PCDHA5: variants seen among roughly 807,000 people sequenced by gnomAD.
PCDHA5 encodes the protein protocadherin alpha-5.
PCDHA5 carries 43 observed loss-of-function variants against 61.6 expected under a neutral mutation model. The ratio of observed to expected loss-of-function variants is 0.70; its 90% CI spans 0.55 to 0.90. The LOEUF is 0.90. Among genes scored for constraint, PCDHA5 ranks in the 40% least tolerant of loss-of-function variants. The probability of loss-of-function intolerance (pLI) is 0.00; values close to 1 mark genes in which losing one functional copy is unlikely to be tolerated. For missense variants in PCDHA5, 1,298 were observed against 1,222.7 expected (o/e 1.06, Z -0.92); for synonymous variants, 627 against 543.9 (o/e 1.15, Z -2.13).
chr5:140,998,042 C>T (rs187874119), intron 3 of PCDHA5, among the ~76,000 whole-genome samples: 21 of 152,284 alleles, frequency 1.4e-4, no homozygotes, highest in Non-Finnish European at 2.2e-4. Flanking sequence ...TGTCACTTAA[C>T]TCAGTGACAT....
At chr5:140,942,543 G>C (rs1272048967) in intron 1 of PCDHA5, among the ~76,000 whole-genome samples, 1 of 152,056 alleles carries the variant, frequency 6.6e-6, no homozygotes, top group Non-Finnish European at 1.5e-5. Flanking sequence ...GTATGGTGGG[G>C]GGTAGGGGGT....
chr5:140,822,880 G>A lies in PCDHA5; in HGVS notation c.1105G>A (p.Ala369Thr), dbSNP rs1405488248. The change falls in exon 1 of 4, where the codon GCT becomes ACT. Residue 369 changes from alanine (A) to threonine (T), a missense_variant. Transcript: ENST00000529859. Reference sequence around the variant, plus strand: ...GGACGCTCCACTCAGCACGGTCATTGCTCTGATCAGCGTGTCTGACCGTGA... The same window carrying A: ...GGACGCTCCACTCAGCACGGTCATTACTCTGATCAGCGTGTCTGACCGTGA... ...KEDAPLSTVI[A>T]LISVSDRDSG... 6 of 1,614,120 alleles carry A rather than the reference G, an allele frequency of 3.7e-6. No homozygotes were observed. Among genetic ancestry groups the A allele is most frequent in the Non-Finnish European group, 5.1e-6 (6 of 1,180,054 alleles).
chr5:140,865,572 A>T (rs2048923193), intron 1 of PCDHA5: 1 of 152,224 alleles, frequency 6.6e-6, no homozygotes, highest in African/African-American at 2.4e-5. Context: ...TCAGTAACTC[A>T]TGATAATAAA....
intron 1 of PCDHA5, chr5:140,968,040 G>A: frequency 1.2e-6 from 2 of 1,614,162 alleles, no homozygotes; most frequent in African/African-American, 1.3e-5. Context: ...GTGGTGAGCG[G>A]CCCACTGGAC....
At position 141,001,667 on chromosome 5, in the gene PCDHA5, A is replaced by G. The variant is rs949508860; in HGVS notation, c.2501-7960A>G. ...GTGTGGGAGAAGGCGGAGCTTGTCC[A>G]GTCGGTCCAACAAACCCCACAGATG... is the stretch of plus-strand genomic sequence containing the variant. On this transcript the variant is annotated intron_variant, in intron 3 of 3. Coordinates refer to ENST00000529859, the MANE Select transcript of PCDHA5 (RefSeq NM_018908.3). Among the ~76,000 whole-genome samples, 9 of 152,268 alleles carry G rather than the reference A, an allele frequency of 5.9e-5. 1 individual carries two copies. In the East Asian group the frequency reaches 1.7e-3, roughly 29 times the overall value.
chr5:140,869,484 C>A, intron 1 of PCDHA5: 2 of 1,613,948 alleles, frequency 1.2e-6, no homozygotes, highest in Non-Finnish European at 1.7e-6. Flanking sequence ...AGGACATTAA[C>A]GACAACCCGC....
chr5:140,827,933 T>C, intron 1 of PCDHA5: 2 of 1,081,166 alleles, frequency 1.8e-6, no homozygotes, highest in Non-Finnish European at 2.7e-6. Flanking sequence ...CATGAAGTTA[T>C]AGCTAGCCAA....
At chr5:140,959,038 A>G (rs1389837259) in intron 1 of PCDHA5, among the ~76,000 whole-genome samples, 2 of 151,994 alleles carry the variant, frequency 1.3e-5, no homozygotes, top group African/African-American at 4.8e-5. Flanking sequence ...ATGGGTATGT[A>G]TGTATAGGAA....
At chr5:140,877,992 A>G (rs572306139) in intron 1 of PCDHA5, 7 of 1,096,526 alleles carry the variant, frequency 6.4e-6, no homozygotes, top group Non-Finnish European at 8.6e-6. Flanking sequence ...TTGAACTTTT[A>G]TGTATTTGTC....
intron 1 of PCDHA5, among the ~76,000 whole-genome samples, chr5:140,941,214 C>CTTT (rs1554214039): frequency 0.031 from 3,845 of 122,336 alleles, 93 homozygotes; most frequent in South Asian, 0.048. Flanking sequence ...TTTCTTTCTT[C>CTTT]CTTTCTTTCT....
At chr5:140,917,339 A>T (rs1199530347) in intron 1 of PCDHA5, among the ~76,000 whole-genome samples, 36 of 112,892 alleles carry the variant, frequency 3.2e-4, no homozygotes, top group East Asian at 2.4e-3. Context: ...GAGGGGGGGG[A>T]TGGTGTAGGC....
chr5:140,841,077 G>A, intron 1 of PCDHA5: 1 of 526,540 alleles, frequency 1.9e-6, no homozygotes, highest in South Asian at 2.8e-5. Flanking sequence ...GAAATAGAAA[G>A]TGCATAGAAG....
At chr5:140,853,405 G>A (rs2042737613) in intron 1 of PCDHA5, 1 of 986,340 alleles carries the variant, frequency 1.0e-6, no homozygotes, top group Non-Finnish European at 1.2e-6. Flanking sequence ...GTTCAAAACA[G>A]AGAGGTGAAA....
intron 1 of PCDHA5, chr5:140,834,485 G>A (rs2150219471): frequency 1.2e-6 from 2 of 1,614,120 alleles, no homozygotes. Context: ...TCCACTACTC[G>A]GTCCCCGAGG....
chr5:140,967,922 G>T (rs782146005), intron 1 of PCDHA5: 1 of 1,614,198 alleles, frequency 6.2e-7, no homozygotes, highest in South Asian at 1.1e-5. Flanking sequence ...CATTGTGGCC[G>T]TTCTCAGTGT....
At chr5:140,853,925 T>C in intron 1 of PCDHA5, 3 of 909,732 alleles carry the variant, frequency 3.3e-6, no homozygotes, top group Non-Finnish European at 4.0e-6. Context: ...TCCCAACATT[T>C]TGGGAGGCCA....
intron 1 of PCDHA5, chr5:140,828,073 A>T: frequency 2.6e-6 from 4 of 1,567,184 alleles, no homozygotes; most frequent in Non-Finnish European, 3.5e-6. Context: ...TAATGGAAAT[A>T]AAACCAGAGG....
chr5:140,966,561 G>C (rs2153747879), intron 1 of PCDHA5: 1 of 488,962 alleles, frequency 2.0e-6, no homozygotes, highest in Non-Finnish European at 3.4e-6. Context: ...GGAGGAGCTG[G>C]AATATGGGGA....
chr5:140,847,204 C>G (rs916100190), intron 1 of PCDHA5, among the ~76,000 whole-genome samples: 5 of 149,612 alleles, frequency 3.3e-5, no homozygotes, highest in African/African-American at 1.2e-4. Flanking sequence ...TTTGGCCACT[C>G]TTTAGAATTA....
Sources: allele counts gnomAD v4.1 joint callset (sites outside exome capture counted in the v4.1 genomes callset), GRCh38; gene constraint gnomAD v4.1.1; transcripts MANE v1.5; gene names NCBI Gene and HGNC (gene_info 2026-07-23, HGNC 2026-07-21).